Variants in C6orf118 observed in about 807,000 individuals in gnomAD.
The protein encoded by C6orf118 is chromosome 6 open reading frame 118.
In C6orf118, 50 loss-of-function variants were observed where a neutral mutation model predicts 50.2. The ratio of observed to expected loss-of-function variants is 1.00; its 90% CI spans 0.79 to 1.26. C6orf118 has a LOEUF of 1.26. Among genes scored for constraint, C6orf118 ranks in the 50% most tolerant of loss-of-function variants. The probability of loss-of-function intolerance (pLI) is 0.00; values close to 1 mark genes in which losing one functional copy is unlikely to be tolerated. For missense variants in C6orf118, 641 were observed against 578.7 expected, an observed-to-expected ratio of 1.11 and a Z score of -1.10; for synonymous variants, 239 against 230.9, an observed-to-expected ratio of 1.03 and a Z score of -0.32.
chr6:165,294,001 C>CT (rs1443361020), intron 5 of C6orf118, among the ~76,000 whole-genome samples: 1 of 152,084 alleles, frequency 6.6e-6, no homozygotes, highest in Non-Finnish European at 1.5e-5. Context: ...AATCTCAGCA[C>CT]TTTGGGAGGC....
chr6:165,292,804 TC>T (rs1780148986), intron 6 of C6orf118, among the ~76,000 whole-genome samples: 1 of 152,052 alleles, frequency 6.6e-6, no homozygotes, highest in Non-Finnish European at 1.5e-5. Context: ...CCCGTGCTGC[TC>T]ATAGGTAGAA....
chr6:165,304,844 C>A (rs1780668408), intron 1 of C6orf118, among the ~76,000 whole-genome samples: 1 of 13,656 alleles, frequency 7.3e-5, no homozygotes, highest in Non-Finnish European at 1.2e-4. Context: ...AATGGAAGAA[C>A]ATTCCATGCT....
At chr6:165,282,035 T>C (rs1779746062) in intron 7 of C6orf118, 2 of 167,268 alleles carry the variant, frequency 1.2e-5, no homozygotes, top group Admixed American at 6.4e-5. Context: ...CAAATATCAA[T>C]AAATCACATA....
At chr6:165,284,713 A>G (rs1434287381) in intron 7 of C6orf118, among the ~76,000 whole-genome samples, 1 of 152,186 alleles carries the variant, frequency 6.6e-6, no homozygotes, top group East Asian at 1.9e-4. Context: ...GAATTTCATA[A>G]CCAACCAAAA....
At chr6:165,291,067 A>G (rs926933434) in intron 6 of C6orf118, among the ~76,000 whole-genome samples, 3 of 152,118 alleles carry the variant, frequency 2.0e-5, no homozygotes, top group Non-Finnish European at 2.9e-5. Context: ...TATGGGGGAA[A>G]CTGTCCTCAT....
chr6:165,298,342 G>A (rs919643445), intron 4 of C6orf118, among the ~76,000 whole-genome samples: 1 of 152,182 alleles, frequency 6.6e-6, no homozygotes, highest in Non-Finnish European at 1.5e-5. Flanking sequence ...TCTAAGAAAT[G>A]GAAAGATGGT....
chr6:165,302,377 T>A (rs559904483), intron 1 of C6orf118, 81 bp from the exon 2 acceptor site: 266 of 1,510,296 alleles, frequency 1.8e-4, no homozygotes, highest in Non-Finnish European at 2.3e-4. Flanking sequence ...CTGAGAGGCG[T>A]AGCCCCTGAC....
intron 7 of C6orf118, among the ~76,000 whole-genome samples, chr6:165,284,350 G>C (rs1425915547): frequency 6.6e-6 from 1 of 152,200 alleles, no homozygotes; most frequent in Admixed American, 6.5e-5. Context: ...ACCACTGAGT[G>C]GGGTACTTGA....
At chr6:165,294,981 T>G (rs1011547776) in intron 5 of C6orf118, among the ~76,000 whole-genome samples, 7 of 152,196 alleles carry the variant, frequency 4.6e-5, no homozygotes, top group African/African-American at 1.7e-4. Context: ...TCCAGAAAAT[T>G]TTTACATATT....
chr6:165,296,416 C>T (rs1473180820), intron 5 of C6orf118, among the ~76,000 whole-genome samples: 1 of 151,988 alleles, frequency 6.6e-6, no homozygotes, highest in Non-Finnish European at 1.5e-5. Flanking sequence ...CTGCCTTAAA[C>T]AACCACCTCC....
intron 7 of C6orf118, among the ~76,000 whole-genome samples, chr6:165,287,243 A>C (rs990370946): frequency 6.6e-6 from 1 of 152,212 alleles, no homozygotes; most frequent in African/African-American, 2.4e-5. Context: ...TACCTCTTCA[A>C]GGAAAACTAC....
intron 6 of C6orf118, among the ~76,000 whole-genome samples, chr6:165,291,464 G>C (rs1190112164): frequency 6.6e-6 from 1 of 152,098 alleles, no homozygotes; most frequent in African/African-American, 2.4e-5. Flanking sequence ...AAGTTGCCTG[G>C]CACATGTTCT....
intron 6 of C6orf118, among the ~76,000 whole-genome samples, chr6:165,291,600 G>T (rs1167281751): frequency 6.6e-6 from 1 of 152,142 alleles, no homozygotes; most frequent in Non-Finnish European, 1.5e-5. Context: ...CACTCAAGAG[G>T]CCACGTCTAA....
At chr6:165,287,282 A>G (rs1779943399) in intron 7 of C6orf118, among the ~76,000 whole-genome samples, 2 of 152,210 alleles carry the variant, frequency 1.3e-5, no homozygotes, top group Admixed American at 1.3e-4. Flanking sequence ...ATCAGAGAGG[A>G]CACAAATAAA....
At chr6:165,290,134 GTAT>G (rs1780058955) in intron 6 of C6orf118, 67 bp from the exon 7 acceptor site, 2 of 927,496 alleles carry the variant, frequency 2.2e-6, no homozygotes, top group African/African-American at 3.5e-5. Context: ...ATAGCATTAT[GTAT>G]TATTAACAAT....
intron 1 of C6orf118, among the ~76,000 whole-genome samples, chr6:165,307,956 T>C (rs1301044002): frequency 6.6e-6 from 1 of 152,174 alleles, no homozygotes; most frequent in Non-Finnish European, 1.5e-5. Flanking sequence ...GATTGCAATC[T>C]GGCCTTTCCT....
intron 1 of C6orf118, among the ~76,000 whole-genome samples, chr6:165,303,263 C>T (rs958236019): frequency 9.9e-5 from 15 of 152,282 alleles, no homozygotes; most frequent in African/African-American, 3.6e-4. Context: ...CAGCTTAGTC[C>T]TTCAGAGCAA....
At chr6:165,306,330 C>G (rs1407285812) in intron 1 of C6orf118, among the ~76,000 whole-genome samples, 1 of 59,396 alleles carries the variant, frequency 1.7e-5, no homozygotes. Flanking sequence ...GTGGTGGGGT[C>G]GGGGGAGGGG....
At chr6:165,288,850 A>T (rs1780008066) in intron 7 of C6orf118, among the ~76,000 whole-genome samples, 1 of 152,138 alleles carries the variant, frequency 6.6e-6, no homozygotes, top group Admixed American at 6.6e-5. Flanking sequence ...TCCCTAGGTG[A>T]TAGGATGATA....
Sources: allele counts gnomAD v4.1 joint callset (sites outside exome capture counted in the v4.1 genomes callset), GRCh38; gene constraint gnomAD v4.1.1; transcripts MANE v1.5; gene names NCBI Gene and HGNC (gene_info 2026-07-23, HGNC 2026-07-21).